ASTN2: variants seen among roughly 807,000 people sequenced by gnomAD.
ASTN2 encodes the protein astrotactin-2.
ASTN2 carries 54 observed loss-of-function variants against 139.8 expected under a neutral mutation model. The observed-to-expected ratio is 0.39, with a 90% confidence interval of 0.31 to 0.48. The LOEUF is 0.48. Among genes scored for constraint, ASTN2 ranks in the 20% least tolerant of loss-of-function variants. The pLI is 0.95. For synonymous variants in ASTN2, 756 were observed against 719.5 expected (o/e 1.05, Z -0.81); for missense variants, 1,565 against 1,725.1 (o/e 0.91, Z 1.64).
rs1219280315 is a variant in ASTN2, at chr9:117,093,966, G to A, written c.1276+2078C>T. On this transcript the variant is annotated intron_variant, in intron 5 of 22. Transcript: ENST00000313400. Reference sequence around the variant, plus strand: ...GCATTTATCACCATCTAATAGATTTGTATTTTGATATAATACAAACCCCAC... The same window carrying A: ...GCATTTATCACCATCTAATAGATTTATATTTTGATATAATACAAACCCCAC... 5.9e-5 allele frequency among the ~76,000 whole-genome samples: 9 copies of A among 152,162 alleles called. No homozygotes were observed. In the South Asian group the frequency reaches 1.9e-3, roughly 32 times the overall value.
rs1838286880 is a variant in ASTN2, at chr9:117,032,902, A to T, written c.1423+6917T>A. Among the ~76,000 whole-genome samples the T allele has an allele frequency of 2.6e-5, 4 of 152,206 alleles. No homozygotes were observed. In the South Asian group the frequency reaches 8.3e-4, roughly 31 times the overall value. ...GGGAACAGAGAAGACTTGGATATCAACTTAGTTCAACCTAAAAGATGATGT... is the reference window on the plus strand; with the variant it reads ...GGGAACAGAGAAGACTTGGATATCATCTTAGTTCAACCTAAAAGATGATGT... On this transcript the variant is annotated intron_variant, in intron 6 of 22. Coordinates refer to ENST00000313400, the MANE Select transcript of ASTN2 (RefSeq NM_001365068.1).
chr9:116,447,711 A>C (rs1490666824), intron 20 of ASTN2, among the ~76,000 whole-genome samples: 2 of 152,200 alleles, frequency 1.3e-5, no homozygotes, highest in Non-Finnish European at 2.9e-5. Context: ...TGTTAGAATA[A>C]AAGAGAGTGC....
chr9:116,995,952 C>G (rs1464633145), intron 7 of ASTN2, among the ~76,000 whole-genome samples: 1 of 152,130 alleles, frequency 6.6e-6, no homozygotes, highest in East Asian at 1.9e-4. Flanking sequence ...GCACTCTGCT[C>G]ACCTCAGCCT....
intron 1 of ASTN2, among the ~76,000 whole-genome samples, chr9:117,372,384 G>A (rs1587990033): frequency 6.6e-6 from 1 of 152,086 alleles, no homozygotes; most frequent in Non-Finnish European, 1.5e-5. Flanking sequence ...TGATGCAATG[G>A]CTAGATCTGC....
chr9:117,392,598 T>C (rs1257762972), intron 1 of ASTN2, among the ~76,000 whole-genome samples: 2 of 152,218 alleles, frequency 1.3e-5, no homozygotes, highest in Non-Finnish European at 2.9e-5. Context: ...TCAATCTCCT[T>C]TGCCCACATC....
chr9:117,153,910 G>T (rs545851505), intron 3 of ASTN2, among the ~76,000 whole-genome samples: 3 of 152,134 alleles, frequency 2.0e-5, no homozygotes, highest in South Asian at 2.1e-4. Context: ...TCAATGAAGG[G>T]TATAAAAATA....
intron 19 of ASTN2, among the ~76,000 whole-genome samples, chr9:116,527,829 C>T (rs1851160794): frequency 6.6e-6 from 1 of 152,022 alleles, no homozygotes. Flanking sequence ...ACTTCCCACC[C>T]CCCTCACTCT....
At chr9:117,337,553 AG>A (rs1052843107) in intron 1 of ASTN2, among the ~76,000 whole-genome samples, 1 of 152,220 alleles carries the variant, frequency 6.6e-6, no homozygotes, top group African/African-American at 2.4e-5. Context: ...AGGTAAGCAC[AG>A]TGAAGAGTAG....
chr9:117,287,667 T>G (rs1377425874), intron 2 of ASTN2, among the ~76,000 whole-genome samples: 1 of 152,178 alleles, frequency 6.6e-6, no homozygotes, highest in East Asian at 1.9e-4. Context: ...CAGTAAATAC[T>G]CAAAATAAAT....
At chr9:117,096,649 G>T (rs1268592344) in intron 4 of ASTN2, among the ~76,000 whole-genome samples, 1 of 152,170 alleles carries the variant, frequency 6.6e-6, no homozygotes, top group Admixed American at 6.5e-5. Flanking sequence ...CCAGGCACGG[G>T]ATCATAAGCT....
At chr9:116,822,858 T>C (rs1235909480) in intron 11 of ASTN2, among the ~76,000 whole-genome samples, 1 of 152,200 alleles carries the variant, frequency 6.6e-6, no homozygotes, top group African/African-American at 2.4e-5. Context: ...GATGTGATTG[T>C]GTCAAAACTC....
intron 1 of ASTN2, among the ~76,000 whole-genome samples, chr9:117,307,384 A>T (rs1835028756): frequency 6.6e-6 from 1 of 152,150 alleles, no homozygotes; most frequent in African/African-American, 2.4e-5. Context: ...ATTCTATAAA[A>T]CTGCTCCCTC....
At chr9:116,805,545 T>C in intron 13 of ASTN2, 87 bp downstream of exon 13, 1 of 1,250,908 alleles carries the variant, frequency 8.0e-7, no homozygotes, top group Non-Finnish European at 1.1e-6. Context: ...AACAGGTCTC[T>C]ACCCCATTGT....
At chr9:117,048,657 T>A (rs1838816492) in intron 5 of ASTN2, among the ~76,000 whole-genome samples, 1 of 152,184 alleles carries the variant, frequency 6.6e-6, no homozygotes, top group Non-Finnish European at 1.5e-5. Context: ...ATGAAGATGA[T>A]AGAGATGGTA....
intron 19 of ASTN2, among the ~76,000 whole-genome samples, chr9:116,493,054 A>G (rs1849565575): frequency 1.3e-5 from 2 of 152,210 alleles, no homozygotes; most frequent in Non-Finnish European, 2.9e-5. Flanking sequence ...TTTATTGCTT[A>G]AAGTGTTTGA....
chr9:116,621,726 T>C (rs1856167533), intron 17 of ASTN2, among the ~76,000 whole-genome samples: 1 of 152,230 alleles, frequency 6.6e-6, no homozygotes, highest in African/African-American at 2.4e-5. Context: ...AGCACAGTTA[T>C]TCAGTCAACA....
chr9:116,516,499 G>C (rs569175152), intron 19 of ASTN2, among the ~76,000 whole-genome samples: 1 of 152,182 alleles, frequency 6.6e-6, no homozygotes, highest in African/African-American at 2.4e-5. Flanking sequence ...GCAGATAGGA[G>C]GAAGGACTAG....
At chr9:117,152,053 T>A (rs1280507922) in intron 3 of ASTN2, among the ~76,000 whole-genome samples, 1 of 152,158 alleles carries the variant, frequency 6.6e-6, no homozygotes, top group Non-Finnish European at 1.5e-5. Flanking sequence ...TTAAATTCTT[T>A]AAGCCTCAGT....
At chr9:117,413,824 G>A (rs561335684) in intron 1 of ASTN2, among the ~76,000 whole-genome samples, 16 of 152,300 alleles carry the variant, frequency 1.1e-4, no homozygotes, top group Admixed American at 6.5e-4. Context: ...GGTAACGGGG[G>A]TAGAGGGAGG....
Sources: allele counts gnomAD v4.1 joint callset (sites outside exome capture counted in the v4.1 genomes callset), GRCh38; gene constraint gnomAD v4.1.1; transcripts MANE v1.5; gene names NCBI Gene and HGNC (gene_info 2026-07-23, HGNC 2026-07-21).